The following IRAK3 variants were observed in gnomAD, a reference collection of about 807,000 sequenced individuals.
IRAK3 encodes interleukin-1 receptor-associated kinase 3.
In IRAK3, 57 loss-of-function variants were observed where a neutral mutation model predicts 56.6. The ratio of observed to expected loss-of-function variants is 1.01; its 90% CI spans 0.81 to 1.26. The LOEUF is 1.26. IRAK3 is among the 50% of genes most tolerant of loss of function. IRAK3 has a pLI of 0.00. For synonymous variants in IRAK3, 258 were observed against 255.7 expected (o/e 1.01, Z -0.09); for missense variants, 703 against 719.0 (o/e 0.98, Z 0.25).
chr12:66,247,876 A>G lies in IRAK3; in HGVS notation c.1496A>G (p.Asp499Gly), dbSNP rs374643456. The G allele has an allele frequency of 5.6e-6, 9 of 1,614,214 alleles. No homozygotes were observed. Among genetic ancestry groups the G allele is most frequent in the Non-Finnish European group, 7.6e-6 (9 of 1,180,040 alleles). The change falls in exon 12 of 12, where the codon GAC becomes GGC. Residue 499 changes from aspartate to glycine, a missense_variant. Transcript: ENST00000261233. ...CCTTCTGATGAAGGCCTGAGGATAG[A>G]CAGAATGACTCAGAAAACTCCTTTT... ...LLPSDEGLRIDRMTQKTPFEC... is the reference protein window; with the variant it reads ...LLPSDEGLRIGRMTQKTPFEC...
At chr12:66,215,786 G>GCACGTGCACGTGCGCGCGCGCACACA (rs368883846) in intron 5 of IRAK3, among the ~76,000 whole-genome samples, 9 of 122,910 alleles carry the variant, frequency 7.3e-5, no homozygotes, top group Admixed American at 1.7e-4. Context: ...AACCCAACAT[G>GCACGTGCACGTGCGCGCGCGCACACA]CACACACACA....
chr12:66,233,056 T>C (rs577078061), intron 8 of IRAK3, among the ~76,000 whole-genome samples: 2 of 151,942 alleles, frequency 1.3e-5, no homozygotes, highest in Non-Finnish European at 2.9e-5. Context: ...ATTGACTACC[T>C]TTTAAAAGCC....
At chr12:66,200,623 C>CA (rs1451338764) in intron 1 of IRAK3, among the ~76,000 whole-genome samples, 2 of 152,302 alleles carry the variant, frequency 1.3e-5, no homozygotes, top group Non-Finnish European at 2.9e-5. Context: ...CTCACAGCCT[C>CA]AGTGGGAGCA....
rs749035337 is a variant in IRAK3 at position 66,244,698 on chromosome 12, G to T, written c.1086+14G>T. ...AGCTTTGGAATTGTGAGTACCAACTGCCAGTTAACAAAGGAGAGTTTATTG... is the reference window on the plus strand; with the variant it reads ...AGCTTTGGAATTGTGAGTACCAACTTCCAGTTAACAAAGGAGAGTTTATTG... On this transcript the variant is annotated intron_variant, in intron 9 of 11. Transcript: ENST00000261233. The T allele has an allele frequency of 5.6e-6, 9 of 1,599,854 alleles. No homozygotes were observed. In the Admixed American group the frequency reaches 1.5e-4, roughly 27 times the overall value.
intron 1 of IRAK3, among the ~76,000 whole-genome samples, chr12:66,194,815 C>T (rs1172707009): frequency 1.5e-5 from 2 of 129,356 alleles, no homozygotes; most frequent in Admixed American, 8.2e-5. Context: ...GGCGACAGAG[C>T]GAGACTCCTC....
intron 8 of IRAK3, chr12:66,234,400 G>A: frequency 6.2e-7 from 1 of 1,611,120 alleles, no homozygotes; most frequent in Admixed American, 1.7e-5. Context: ...GCACCTGGTA[G>A]GCAGATACAG....
chr12:66,209,104 T>A (rs575457557), intron 2 of IRAK3, among the ~76,000 whole-genome samples: 89 of 151,864 alleles, frequency 5.9e-4, no homozygotes, highest in African/African-American at 1.8e-3. Context: ...TAATTTTTTT[T>A]AAATTTTCTT....
intron 8 of IRAK3, among the ~76,000 whole-genome samples, chr12:66,237,969 G>A (rs2052925198): frequency 6.6e-6 from 1 of 152,214 alleles, no homozygotes; most frequent in African/African-American, 2.4e-5. Flanking sequence ...TCAACATTAT[G>A]CTTAAGTAAA....
At chr12:66,239,985 G>A (rs112999005) in intron 8 of IRAK3, among the ~76,000 whole-genome samples, 5 of 152,186 alleles carry the variant, frequency 3.3e-5, no homozygotes, top group African/African-American at 1.2e-4. Flanking sequence ...TAACTGAAGG[G>A]TCCTCAGATT....
chr12:66,239,082 T>G (rs1403795070), intron 8 of IRAK3, among the ~76,000 whole-genome samples: 1 of 152,204 alleles, frequency 6.6e-6, no homozygotes, highest in Non-Finnish European at 1.5e-5. Flanking sequence ...TAAATGGAAA[T>G]GCATTTTATC....
At chr12:66,217,283 A>G (rs2052686728) in intron 6 of IRAK3, 48 bp downstream of exon 6, 3 of 1,321,106 alleles carry the variant, frequency 2.3e-6, no homozygotes, top group South Asian at 2.3e-5. Flanking sequence ...CCTGGGTTTC[A>G]TCTCTGTTCA....
At chr12:66,215,600 C>T (rs2052662058) in intron 5 of IRAK3, among the ~76,000 whole-genome samples, 1 of 152,146 alleles carries the variant, frequency 6.6e-6, no homozygotes, top group African/African-American at 2.4e-5. Flanking sequence ...TTGAATGCAG[C>T]ATACATACCC....
intron 1 of IRAK3, chr12:66,197,041 A>G (rs763196572): frequency 1.3e-4 from 194 of 1,527,980 alleles, no homozygotes; most frequent in South Asian, 2.3e-4. Flanking sequence ...TCTGCAACTG[A>G]AAACAGTCAG....
At chr12:66,192,552 C>T (rs2052409317) in intron 1 of IRAK3, among the ~76,000 whole-genome samples, 2 of 152,110 alleles carry the variant, frequency 1.3e-5, no homozygotes, top group Admixed American at 1.3e-4. Context: ...TACTGAGAAA[C>T]GCTTTTTGCA....
chr12:66,210,968 G>C (rs979055257), intron 4 of IRAK3, among the ~76,000 whole-genome samples: 2 of 152,174 alleles, frequency 1.3e-5, no homozygotes, highest in African/African-American at 4.8e-5. Context: ...TTAAAAGGCT[G>C]AATCATCTTT....
At chr12:66,244,112 A>G (rs1396787532) in intron 8 of IRAK3, among the ~76,000 whole-genome samples, 1 of 152,242 alleles carries the variant, frequency 6.6e-6, no homozygotes, top group African/African-American at 2.4e-5. Context: ...TAACAGACAC[A>G]TAATCAGCTG....
rs895477949 is a variant in IRAK3 at position 66,235,024 on chromosome 12, G to A, written c.887+6654G>A. The stretch of plus-strand genomic sequence containing the variant: ...TTGTCTTATGCAAAATTGCGTTTGT[G>A]GAGACTATTTTCCCATATGGTTGAC... On this transcript the variant is annotated intron_variant, in intron 8 of 11. Transcript: ENST00000261233. 5.0e-6 allele frequency: 8 copies of A among 1,613,456 alleles called. No homozygotes were observed. In the Admixed American group the frequency reaches 6.7e-5, roughly 13 times the overall value.
chr12:66,228,636 G>T (rs1455524549), intron 8 of IRAK3, among the ~76,000 whole-genome samples: 1 of 151,938 alleles, frequency 6.6e-6, no homozygotes, highest in Non-Finnish European at 1.5e-5. Flanking sequence ...ACAATTCTGT[G>T]TACAGATGGT....
chr12:66,206,555 G>C (rs2052559966), intron 2 of IRAK3, among the ~76,000 whole-genome samples: 1 of 152,140 alleles, frequency 6.6e-6, no homozygotes, highest in African/African-American at 2.4e-5. Flanking sequence ...ACAAATCTTG[G>C]ATTCCTGGGA....
Sources: allele counts gnomAD v4.1 joint callset (sites outside exome capture counted in the v4.1 genomes callset), GRCh38; gene constraint gnomAD v4.1.1; transcripts MANE v1.5; gene names NCBI Gene and HGNC (gene_info 2026-07-23, HGNC 2026-07-21).